CADPS2: variants seen among roughly 807,000 people sequenced by gnomAD.
CADPS2 encodes the protein calcium-dependent secretion activator 2.
CADPS2 carries 93 observed loss-of-function variants against 172.5 expected under a neutral mutation model. That is an observed-to-expected ratio of 0.54 (90% CI 0.46 to 0.64). The LOEUF is 0.64. Ranked by LOEUF, CADPS2 falls within the 30% of genes least tolerant of loss-of-function variation. The pLI is 0.00. For synonymous variants in CADPS2, 546 were observed against 555.2 expected (o/e 0.98, Z 0.23); for missense variants, 1,420 against 1,565.9 (o/e 0.91, Z 1.57).
intron 11 of CADPS2, among the ~76,000 whole-genome samples, chr7:122,483,252 G>C (rs1563469391): frequency 6.6e-6 from 1 of 152,040 alleles, no homozygotes; most frequent in Non-Finnish European, 1.5e-5. Context: ...CTTTAAAGCA[G>C]CTAGAGGAAA....
rs185887144 is a variant in CADPS2 at position 122,834,672 on chromosome 7, G to A, written c.339+51327C>T. ...CTGGCTTGGAGGGTCCCACACCCAC[G>A]GAGCCTTGCTCACTGCTAGCACAGC... is the stretch of plus-strand genomic sequence containing the variant. On this transcript the variant is annotated intron_variant, in intron 1 of 29. Transcript: ENST00000449022. 3.4e-3 allele frequency among the ~76,000 whole-genome samples: 514 copies of A among 152,328 alleles called. 2 individuals are homozygous for A. The highest frequency in any genetic ancestry group is 0.012 in the African/African-American group (489 of 41,588).
chr7:122,559,177 G>C (rs1405078180), intron 7 of CADPS2, among the ~76,000 whole-genome samples: 1 of 152,068 alleles, frequency 6.6e-6, no homozygotes, highest in Non-Finnish European at 1.5e-5. Context: ...AAGTCTAAAA[G>C]AACACCTAAG....
chr7:122,765,947 G>A (rs757754382), intron 1 of CADPS2, among the ~76,000 whole-genome samples: 8 of 152,090 alleles, frequency 5.3e-5, no homozygotes, highest in Non-Finnish European at 1.2e-4. Flanking sequence ...TCCATTTTGT[G>A]TTGCTTTAAC....
intron 1 of CADPS2, among the ~76,000 whole-genome samples, chr7:122,780,440 A>T (rs1244410313): frequency 1.3e-5 from 2 of 152,218 alleles, no homozygotes; most frequent in African/African-American, 4.8e-5. Flanking sequence ...GTTTTTAAAA[A>T]GGTGGGAAAT....
At chr7:122,728,230 C>A (rs759890353) in intron 2 of CADPS2, among the ~76,000 whole-genome samples, 5 of 151,668 alleles carry the variant, frequency 3.3e-5, no homozygotes, top group African/African-American at 4.8e-5. Context: ...AACATAAGAC[C>A]AAGCAATGCA....
chr7:122,822,164 G>A (rs7800807), intron 1 of CADPS2, among the ~76,000 whole-genome samples: 5 of 148,802 alleles, frequency 3.4e-5, no homozygotes, highest in East Asian at 1.9e-4. Flanking sequence ...TAATCTTTGA[G>A]GGCAGGACTA....
intron 3 of CADPS2, among the ~76,000 whole-genome samples, chr7:122,657,752 C>A (rs2079987099): frequency 6.6e-6 from 1 of 152,154 alleles, no homozygotes; most frequent in Non-Finnish European, 1.5e-5. Context: ...ATGTCATCTG[C>A]AAACAGGGAC....
chr7:122,409,567 C>T (rs759995069), intron 19 of CADPS2: 14 of 445,536 alleles, frequency 3.1e-5, no homozygotes, highest in Non-Finnish European at 6.2e-5. Context: ...TCAAGTTGTA[C>T]TCCTGATGAT....
At chr7:122,802,510 A>G (rs1797876805) in intron 1 of CADPS2, among the ~76,000 whole-genome samples, 1 of 152,130 alleles carries the variant, frequency 6.6e-6, no homozygotes, top group Non-Finnish European at 1.5e-5. Flanking sequence ...CAGGCCCATA[A>G]TACACCCTAG....
chr7:122,651,331 CCT>C (rs1022134862), intron 3 of CADPS2, among the ~76,000 whole-genome samples: 1 of 151,802 alleles, frequency 6.6e-6, no homozygotes, highest in Non-Finnish European at 1.5e-5. Context: ...CATTTCTCTC[CCT>C]GTTTTCTTTC....
intron 1 of CADPS2, among the ~76,000 whole-genome samples, chr7:122,875,665 A>G (rs1335281284): frequency 1.3e-5 from 2 of 152,200 alleles, no homozygotes; most frequent in Non-Finnish European, 1.5e-5. Context: ...TTTCAACTGC[A>G]ATTTCTAAAT....
chr7:122,838,325 A>G (rs888485122), intron 1 of CADPS2, among the ~76,000 whole-genome samples: 4 of 152,234 alleles, frequency 2.6e-5, no homozygotes, highest in African/African-American at 7.2e-5. Flanking sequence ...CCAATATTAT[A>G]CTGAATGGGC....
intron 3 of CADPS2, among the ~76,000 whole-genome samples, chr7:122,631,258 C>A (rs1483755434): frequency 2.0e-5 from 3 of 152,158 alleles, no homozygotes; most frequent in African/African-American, 7.2e-5. Context: ...ATTTTTCTCA[C>A]AGCTTCAACA....
chr7:122,722,831 G>C (rs1346236037), intron 2 of CADPS2, among the ~76,000 whole-genome samples: 2 of 151,552 alleles, frequency 1.3e-5, no homozygotes, highest in Admixed American at 6.6e-5. Context: ...CCAAAACAGA[G>C]ATATAGATCA....
chr7:122,881,570 AC>A (rs1822941647), intron 1 of CADPS2, among the ~76,000 whole-genome samples: 1 of 152,126 alleles, frequency 6.6e-6, no homozygotes, highest in Admixed American at 6.5e-5. Flanking sequence ...CTGTACTTGG[AC>A]CATAATGCAT....
At chr7:122,818,051 C>A (rs868579465) in intron 1 of CADPS2, among the ~76,000 whole-genome samples, 3 of 150,780 alleles carry the variant, frequency 2.0e-5, no homozygotes, top group Non-Finnish European at 4.4e-5. Context: ...TATTTCCATG[C>A]CCCAACCTCT....
chr7:122,376,962 T>C (rs2042441560), intron 25 of CADPS2, among the ~76,000 whole-genome samples: 1 of 152,246 alleles, frequency 6.6e-6, no homozygotes, highest in East Asian at 1.9e-4. Flanking sequence ...ACATCAATTA[T>C]TGTCATCTCT....
At position 122,698,721 on chromosome 7, in the gene CADPS2, G is replaced by T. The variant is rs1564097005; in HGVS notation, c.454-35152C>A. 3.1e-6 allele frequency: 5 copies of T among 1,613,582 alleles called. No homozygotes were observed. In the Admixed American group the frequency reaches 6.7e-5, roughly 22 times the overall value. The stretch of plus-strand genomic sequence containing the variant: ...TAACTCCTGCCACTCTCTTCAAAGT[G>T]GAGCTTCTTCCAAAGACTCCAGTCT... On this transcript the variant is annotated intron_variant, in intron 2 of 29. Transcript: ENST00000449022.
chr7:122,741,282 G>A (rs902757911), intron 1 of CADPS2, among the ~76,000 whole-genome samples: 6 of 152,172 alleles, frequency 3.9e-5, no homozygotes, highest in Non-Finnish European at 7.4e-5. Context: ...TAACATGTAT[G>A]TGAATTTGCT....
Sources: allele counts gnomAD v4.1 joint callset (sites outside exome capture counted in the v4.1 genomes callset), GRCh38; gene constraint gnomAD v4.1.1; transcripts MANE v1.5; gene names NCBI Gene and HGNC (gene_info 2026-07-23, HGNC 2026-07-21).